The following IL1RAPL1 variants were observed in gnomAD, a reference collection of about 807,000 sequenced individuals.
The protein encoded by IL1RAPL1 is interleukin 1 receptor accessory protein like 1, also known as interleukin-1 receptor accessory protein-like 1.
In IL1RAPL1, 3 loss-of-function variants were observed where a neutral mutation model predicts 48.4. That is an observed-to-expected ratio of 0.06 (90% CI 0.03 to 0.16). IL1RAPL1 has a LOEUF of 0.16. Among genes scored for constraint, IL1RAPL1 ranks in the 10% least tolerant of loss-of-function variants. The pLI is 1.00. For missense variants in IL1RAPL1, 349 were observed against 530.6 expected, an observed-to-expected ratio of 0.66 and a Z score of 3.36; for synonymous variants, 185 against 187.7, an observed-to-expected ratio of 0.99 and a Z score of 0.12.
At chrX:28,851,148 C>T (rs1041488203) in intron 2 of IL1RAPL1, among the ~76,000 whole-genome samples, 8 of 106,507 alleles carry the variant, frequency 7.5e-5, no homozygotes, top group Admixed American at 2.1e-4. Flanking sequence ...CCTTGGAAGA[C>T]GTGACACCCT....
At chrX:29,292,961 GT>G (rs983622499) in intron 3 of IL1RAPL1, among the ~76,000 whole-genome samples, 1 of 111,440 alleles carries the variant, frequency 9.0e-6, no homozygotes, top group Admixed American at 9.6e-5. Context: ...ACTTTCTGTA[GT>G]TTTTTGGTAG....
chrX:28,644,897 C>T (rs1934589479), intron 1 of IL1RAPL1, among the ~76,000 whole-genome samples: 1 of 111,356 alleles, frequency 9.0e-6, no homozygotes, highest in African/African-American at 3.3e-5. Context: ...TCTTATGCCT[C>T]TTCATCCTTT....
intron 2 of IL1RAPL1, among the ~76,000 whole-genome samples, chrX:29,215,739 A>T (rs1930855605): frequency 1.8e-5 from 2 of 112,243 alleles, no homozygotes; most frequent in Admixed American, 9.5e-5. Context: ...ATGACAAAAC[A>T]TGCTGATATA....
At chrX:29,660,439 C>G (rs1216781855) in intron 5 of IL1RAPL1, among the ~76,000 whole-genome samples, 1 of 112,044 alleles carries the variant, frequency 8.9e-6, no homozygotes, top group Non-Finnish European at 1.9e-5. Flanking sequence ...AGCATATCCC[C>G]AATGTTTTTG....
chrX:28,722,377 C>G (rs754436703), intron 1 of IL1RAPL1, among the ~76,000 whole-genome samples: 17 of 111,450 alleles, frequency 1.5e-4, no homozygotes, highest in African/African-American at 4.9e-4. Context: ...GGAGTTCACT[C>G]ATGATTTGGC....
chrX:29,373,634 G>A (rs886109616), intron 3 of IL1RAPL1, among the ~76,000 whole-genome samples: 1 of 110,226 alleles, frequency 9.1e-6, no homozygotes, highest in Admixed American at 9.8e-5. Context: ...TTTTAATCAG[G>A]AATAGATTTT....
chrX:29,063,317 T>C (rs375019263), intron 2 of IL1RAPL1, among the ~76,000 whole-genome samples: 1 of 111,763 alleles, frequency 8.9e-6, no homozygotes, highest in Non-Finnish European at 1.9e-5. Flanking sequence ...TCAATAATTA[T>C]AAGCATTTTA....
intron 5 of IL1RAPL1, among the ~76,000 whole-genome samples, chrX:29,660,573 A>G (rs925273390): frequency 2.7e-5 from 3 of 111,999 alleles, no homozygotes; most frequent in Non-Finnish European, 3.8e-5. Flanking sequence ...TTCCCACACC[A>G]TTTATTAAAG....
chrX:28,599,936 G>T lies in IL1RAPL1; in HGVS notation c.-25+11889G>T, dbSNP rs1018191063. Among the ~76,000 whole-genome samples the T allele has an allele frequency of 2.7e-5, 3 of 111,971 alleles. No individual in the cohort carries two copies. In the Admixed American group the frequency reaches 2.8e-4, roughly 11 times the overall value. On this transcript the variant is annotated intron_variant, in intron 1 of 10. Transcript: ENST00000378993. ...TGTCTCACATTGAGTCAAGGGGGTTGGGGCTTTCTGTTTTCACGTCAGGCA... is the reference window on the plus strand; with the variant it reads ...TGTCTCACATTGAGTCAAGGGGGTTTGGGCTTTCTGTTTTCACGTCAGGCA...
intron 2 of IL1RAPL1, among the ~76,000 whole-genome samples, chrX:29,173,943 G>A (rs927325959): frequency 9.2e-6 from 1 of 108,330 alleles, no homozygotes; most frequent in Non-Finnish European, 1.9e-5. Context: ...TTTTTGAGAC[G>A]GAGTTTCACT....
At position 29,938,104 on chromosome X, in the gene IL1RAPL1, T is replaced by C. The variant is rs979529842; in HGVS notation, c.1058-3547T>C. ...GATTGGCTATGTAGAGTATTCTAAGTAATGTATATCATTTCTTAAATGGCT... is the reference window on the plus strand; with the variant it reads ...GATTGGCTATGTAGAGTATTCTAAGCAATGTATATCATTTCTTAAATGGCT... On this transcript the variant is annotated intron_variant, in intron 8 of 10. Transcript: ENST00000378993. 1.5e-3 allele frequency among the ~76,000 whole-genome samples: 165 copies of C among 111,801 alleles called. 1 individual carries two copies. Among genetic ancestry groups the C allele is most frequent in the African/African-American group, 5.2e-3 (160 of 30,842 alleles).
intron 2 of IL1RAPL1, among the ~76,000 whole-genome samples, chrX:28,947,591 A>C (rs1002103385): frequency 9.0e-6 from 1 of 110,997 alleles, no homozygotes; most frequent in Non-Finnish European, 1.9e-5. Flanking sequence ...ATTAGGAGAA[A>C]TACCTAATGT....
At chrX:29,813,416 A>G (rs1184600663) in intron 6 of IL1RAPL1, among the ~76,000 whole-genome samples, 1 of 111,329 alleles carries the variant, frequency 9.0e-6, no homozygotes, top group Admixed American at 9.6e-5. Flanking sequence ...GATGTAAGAG[A>G]GTAAATAACT....
chrX:28,882,913 A>G, intron 2 of IL1RAPL1, among the ~76,000 whole-genome samples: 1 of 112,125 alleles, frequency 8.9e-6, no homozygotes, highest in African/African-American at 3.2e-5. Flanking sequence ...TTTAAAATAC[A>G]AAACCATTTT....
At chrX:28,929,545 C>G (rs1923827653) in intron 2 of IL1RAPL1, among the ~76,000 whole-genome samples, 1 of 111,888 alleles carries the variant, frequency 8.9e-6, no homozygotes. Context: ...GCCAGGCTGC[C>G]TGATGATTAT....
intron 6 of IL1RAPL1, among the ~76,000 whole-genome samples, chrX:29,840,609 G>A (rs931075025): frequency 8.9e-6 from 1 of 111,984 alleles, no homozygotes; most frequent in African/African-American, 3.2e-5. Flanking sequence ...AATATAATGT[G>A]CAAAGAGATC....
At chrX:29,849,520 T>C (rs1483094563) in intron 6 of IL1RAPL1, among the ~76,000 whole-genome samples, 4 of 112,100 alleles carry the variant, frequency 3.6e-5, no homozygotes, top group Non-Finnish European at 7.5e-5. Flanking sequence ...GCCAGCTAAC[T>C]GAATAGAAAG....
chrX:28,963,073 C>T (rs1025887836), intron 2 of IL1RAPL1, among the ~76,000 whole-genome samples: 4 of 111,373 alleles, frequency 3.6e-5, no homozygotes, highest in Admixed American at 2.9e-4. Context: ...CTAGGATTCT[C>T]TAAATTGGAA....
intron 2 of IL1RAPL1, among the ~76,000 whole-genome samples, chrX:28,897,256 C>T (rs765077215): frequency 2.7e-5 from 3 of 111,096 alleles, no homozygotes; most frequent in African/African-American, 9.8e-5. Flanking sequence ...CTGTACTTGC[C>T]GCTAAGGGTG....
Sources: gnomAD v4.1 joint callset for allele counts (sites outside exome capture counted in the v4.1 genomes callset) on GRCh38, gnomAD v4.1.1 for gene constraint, MANE v1.5 for transcripts, NCBI Gene and HGNC (gene_info 2026-07-23, HGNC 2026-07-21) for gene names.